RYR2: variants seen among roughly 807,000 people sequenced by gnomAD.
RYR2 encodes the protein ryanodine receptor 2, also known as cardiac muscle ryanodine receptor-calcium release channel.
RYR2 carries 227 observed loss-of-function variants against 601.1 expected under a neutral mutation model. The observed-to-expected ratio is 0.38, with a 90% CI of 0.34 to 0.42. The LOEUF (loss-of-function observed/expected upper bound fraction) is 0.42. Ranked by LOEUF, RYR2 falls within the 10% of genes least tolerant of loss-of-function variation. The probability of loss-of-function intolerance (pLI) is 1.00; values close to 1 mark genes in which losing one functional copy is unlikely to be tolerated. For missense variants in RYR2, 4,646 were observed against 6,156.5 expected (o/e 0.75, Z 8.21); for synonymous variants, 2,223 against 2,175.1 (o/e 1.02, Z -0.61).
At chr1:237,283,604 G>A (rs1691132583) in intron 2 of RYR2, among the ~76,000 whole-genome samples, 1 of 152,104 alleles carries the variant, frequency 6.6e-6, no homozygotes, top group African/African-American at 2.4e-5. Context: ...CAGTTTATCA[G>A]TTCATTTGAC....
intron 2 of RYR2, among the ~76,000 whole-genome samples, chr1:237,308,632 G>C (rs1320592717): frequency 2.0e-5 from 3 of 152,182 alleles, no homozygotes; most frequent in Admixed American, 2.0e-4. Context: ...TCCTTCTGGT[G>C]GATTCCTGGT....
At chr1:237,281,229 A>C (rs1046450969) in intron 2 of RYR2, among the ~76,000 whole-genome samples, 1 of 152,194 alleles carries the variant, frequency 6.6e-6, no homozygotes, top group Non-Finnish European at 1.5e-5. Flanking sequence ...ATTTTATACT[A>C]AATTAAACTC....
Position 237,830,603 on chromosome 1 carries a change from T to C in RYR2, c.14729T>C (p.Leu4910Ser), listed in dbSNP as rs1663664038. ...CCACATGGCTTTGAAACCCACACTT[T>C]ACAGGAGCACAACTTGGCTAATTAC... ...TVPHGFETHTLQEHNLANYLF... is the reference protein window; with the variant it reads ...TVPHGFETHTSQEHNLANYLF... Residue 4910 changes from leucine to serine, a missense_variant, in exon 103 of 105, where the codon TTA (leucine) becomes TCA (serine). Physicochemically the swap from Leu to Ser is moderately radical, Grantham distance 145. Around this residue, in one of 17 missense-constraint regions of RYR2, gnomAD observed 55 missense variants for 204.7 expected, o/e 0.27. Transcript: ENST00000366574. 6.2e-7 allele frequency: 1 copy of C among 1,606,958 alleles called. No homozygotes were observed. Among genetic ancestry groups the C allele is most frequent in the South Asian group, 1.1e-5 (1 of 90,798 alleles).
At chr1:237,184,965 G>C (rs1259277440) in intron 1 of RYR2, among the ~76,000 whole-genome samples, 2 of 151,514 alleles carry the variant, frequency 1.3e-5, no homozygotes, top group African/African-American at 4.9e-5. Context: ...AAACTCTCAG[G>C]CTCAAGCAAT....
chr1:237,792,188 C>T lies in RYR2; in HGVS notation c.13647C>T (p.Ser4549=), dbSNP rs1166610736. 3 of 1,613,348 alleles carry T rather than the reference C, an allele frequency of 1.9e-6. No homozygotes were observed. The highest frequency in any genetic ancestry group is 4.5e-5 in the East Asian group (2 of 44,858). Residue 4549 remains serine (S), a synonymous_variant, in exon 94 of 105, where the codon AGC becomes AGT. Transcript: ENST00000366574. ...ATGCCAAAGTGACAAGCCTGGACAG[C>T]AGCTCCCATAGAATCATCGCAGTTC... ...SENAKVTSLD[S]SSHRIIAVHY...
rs765351308 is a variant in RYR2 at position 237,610,811 on chromosome 1, C to G, written c.4733C>G (p.Pro1578Arg). 58 of 1,611,334 alleles carry G rather than the reference C, an allele frequency of 3.6e-5. No homozygotes were observed. Among genetic ancestry groups the G allele is most frequent in the African/African-American group, 5.3e-5 (4 of 74,882 alleles). Residue 1578 changes from proline to arginine, a missense_variant, in exon 36 of 105, where the codon CCC (proline) becomes CGC (arginine). Pro to Arg is a moderately radical substitution (Grantham distance 103, BLOSUM62 -2). Transcript: ENST00000366574. The surrounding 1 kb of genome is among the most constrained non-coding windows in gnomAD (Gnocchi z 4.9). ...AGLFKSEHKN[P>R]VPQCPPRLHV... The stretch of plus-strand genomic sequence containing the variant: ...TTATTCAAGAGTGAGCACAAGAACC[C>G]CGTGCCGCAGTGCCCCCCGCGCCTC...
rs41315858 is a variant in RYR2, at chr1:237,614,782, G to A, written c.5654G>A (p.Gly1885Glu). 0.023 allele frequency: 37,451 copies of A among 1,609,734 alleles called. 537 individuals are homozygous for A. Among genetic ancestry groups the A allele is most frequent in the Non-Finnish European group, 0.029 (33,949 of 1,176,974 alleles). Residue 1885 changes from glycine (G) to glutamate (E), a missense_variant, in exon 37 of 105, where the codon GGG (glycine) becomes GAG (glutamate). Physicochemically the swap from Gly to Glu is moderately conservative, Grantham distance 98. This residue lies in a region of RYR2 where 1,807 missense variants were observed against 2,088.1 expected (regional missense o/e 0.87). Transcript: ENST00000366574. The surrounding 1 kb of genome is among the most constrained non-coding windows in gnomAD (Gnocchi z 4.3). ...LQGAGEEEAK[G>E]GKRPKEGLLQ... ...GGAGCTGGTGAGGAAGAAGCCAAGG[G>A]GGGCAAGCGGCCCAAGGAAGGCCTG...
chr1:237,719,038 C>T (rs1573656619), intron 73 of RYR2, among the ~76,000 whole-genome samples: 1 of 152,012 alleles, frequency 6.6e-6, no homozygotes, highest in South Asian at 2.1e-4. Context: ...CTGAGGCAGG[C>T]AAATCACTTG....
intron 71 of RYR2, 55 bp downstream of exon 71, chr1:237,711,892 G>A: frequency 1.2e-6 from 1 of 822,902 alleles, no homozygotes; most frequent in Non-Finnish European, 2.0e-6. Context: ...TGACTTTCAT[G>A]AATTGACTTT....
intron 10 of RYR2, among the ~76,000 whole-genome samples, chr1:237,406,290 C>T (rs1229228410): frequency 2.7e-5 from 4 of 146,240 alleles, no homozygotes; most frequent in Admixed American, 1.4e-4. Flanking sequence ...TTTTGGTGTT[C>T]GTGTCTTTCT....
chr1:237,764,940 T>C (rs1693731703), intron 84 of RYR2, among the ~76,000 whole-genome samples: 1 of 152,160 alleles, frequency 6.6e-6, no homozygotes, highest in African/African-American at 2.4e-5. Flanking sequence ...GAATTATTTA[T>C]ACTGTTTTTT....
intron 5 of RYR2, among the ~76,000 whole-genome samples, chr1:237,365,579 A>G (rs1163600729): frequency 2.0e-5 from 3 of 152,278 alleles, no homozygotes; most frequent in East Asian, 1.9e-4. Context: ...TAGACGTATC[A>G]TGAAACAAGA....
intron 80 of RYR2, among the ~76,000 whole-genome samples, chr1:237,745,451 A>G (rs1303458917): frequency 6.6e-6 from 1 of 152,164 alleles, no homozygotes; most frequent in East Asian, 1.9e-4. Context: ...ATGCCTCAAG[A>G]ATGTGTTGAT....
chr1:237,351,854 C>CAAAAAAAAAAAAAAAA (rs33955032), intron 3 of RYR2, among the ~76,000 whole-genome samples: 10 of 40,948 alleles, frequency 2.4e-4, no homozygotes, highest in South Asian at 1.6e-3. Flanking sequence ...AAAGACCATG[C>CAAAAAAAAAAAAAAAA]AAAAAAAAAA....
At chr1:237,563,442 A>G (rs953492525) in intron 27 of RYR2, among the ~76,000 whole-genome samples, 4 of 149,174 alleles carry the variant, frequency 2.7e-5, no homozygotes, top group Non-Finnish European at 5.9e-5. Context: ...AAATAGGAAA[A>G]TCCACAGAGA....
At chr1:237,604,726 A>T (rs1176375073) in intron 35 of RYR2, among the ~76,000 whole-genome samples, 2 of 152,330 alleles carry the variant, frequency 1.3e-5, no homozygotes, top group Admixed American at 6.5e-5. Context: ...GCAATAAAAA[A>T]TGACAAAGGG....
At chr1:237,498,868 A>G (rs548463869) in intron 20 of RYR2, among the ~76,000 whole-genome samples, 4 of 151,952 alleles carry the variant, frequency 2.6e-5, no homozygotes, top group Non-Finnish European at 4.4e-5. Context: ...AATTTTATTC[A>G]TTTTTTTTAA....
intron 1 of RYR2, among the ~76,000 whole-genome samples, chr1:237,178,317 T>TGAAAAG (rs1678284777): frequency 6.6e-6 from 1 of 152,188 alleles, no homozygotes; most frequent in Non-Finnish European, 1.5e-5. Context: ...CGGAGTTCTT[T>TGAAAAG]GAAAAGGCAT....
Position 237,500,812 on chromosome 1 carries a change from C to G in RYR2, c.2305C>G (p.Arg769Gly). Reference protein sequence around the residue: ...LDLSAPSISFRINGQPVQGMF... With the variant: ...LDLSAPSISFGINGQPVQGMF... ...TCTGAGTGCCCCAAGCATCTCGTTC[C>G]GAATTAATGGACAACCTGTTCAAGG... The change falls in exon 21 of 105, where the codon CGA becomes GGA. Residue 769 changes from arginine (R) to glycine (G), a missense_variant. Arg to Gly is a moderately radical substitution (Grantham distance 125). Around this residue, in one of 17 missense-constraint regions of RYR2, gnomAD observed 1,807 missense variants for 2,088.1 expected, o/e 0.87. Coordinates refer to ENST00000366574, the MANE Select transcript of RYR2 (RefSeq NM_001035.3). 5.6e-6 allele frequency: 9 copies of G among 1,613,974 alleles called. No homozygotes were observed. Among genetic ancestry groups the G allele is most frequent in the Non-Finnish European group, 7.6e-6 (9 of 1,179,882 alleles).
Sources: allele counts gnomAD v4.1 joint callset (sites outside exome capture counted in the v4.1 genomes callset), GRCh38; gene constraint gnomAD v4.1.1; regional missense constraint gnomAD v4.1.1; non-coding constraint Gnocchi (gnomAD v3.1); transcripts MANE v1.5; gene names NCBI Gene and HGNC (gene_info 2026-07-23, HGNC 2026-07-21).